The following MYO1H variants were observed in gnomAD, a reference collection of about 807,000 sequenced individuals.
The protein encoded by MYO1H is unconventional myosin-Ih.
Under a neutral mutation model 149.3 loss-of-function variants are expected in MYO1H, and 118 were observed. That is an observed-to-expected ratio of 0.79 (90% CI 0.68 to 0.92). MYO1H has a LOEUF of 0.92. MYO1H is among the 40% of genes least tolerant of loss of function. The probability of loss-of-function intolerance (pLI) is 0.00; values close to 1 mark genes in which losing one functional copy is unlikely to be tolerated. For missense variants in MYO1H, 1,212 were observed against 1,280.7 expected (o/e 0.95, Z 0.82); for synonymous variants, 447 against 465.2 (o/e 0.96, Z 0.50).
chr12:109,366,289 C>T (rs1380475316), intron 1 of MYO1H, among the ~76,000 whole-genome samples: 1 of 152,184 alleles, frequency 6.6e-6, no homozygotes, highest in Non-Finnish European at 1.5e-5. Context: ...CCATTAACTT[C>T]AATCTAAGTC....
intron 22 of MYO1H, 139 bp from the exon 23 acceptor site, chr12:109,438,397 G>T (rs772503112): frequency 4.3e-6 from 3 of 690,584 alleles, no homozygotes; most frequent in Non-Finnish European, 7.7e-6. Context: ...ACATTCATCC[G>T]ACCTTCCATC....
At chr12:109,395,548 A>T (rs1244817967) in intron 3 of MYO1H, among the ~76,000 whole-genome samples, 1 of 152,086 alleles carries the variant, frequency 6.6e-6, no homozygotes, top group African/African-American at 2.4e-5. Flanking sequence ...AGCCTGATCA[A>T]CATGGTGAAA....
At position 109,377,334 on chromosome 12, in the gene MYO1H, CAT is replaced by C. The variant is rs560834200; in HGVS notation, c.13-11348_13-11347del. ...ATAGTGGAAGATAAAGGGAAACTAACATGTGCAGAGATCACATGGTGAGTGAG... is the reference window on the plus strand; with the variant it reads ...ATAGTGGAAGATAAAGGGAAACTAACGTGCAGAGATCACATGGTGAGTGAG... On this transcript the variant is annotated intron_variant, in intron 1 of 31. Transcript: ENST00000310903. 5.9e-3 allele frequency among the ~76,000 whole-genome samples: 905 copies of C among 152,310 alleles called. 6 individuals carry two copies. Among genetic ancestry groups the C allele is most frequent in the African/African-American group, 0.02 (823 of 41,560 alleles).
chr12:109,421,727 G>A (rs1006863096), intron 16 of MYO1H, among the ~76,000 whole-genome samples: 9 of 152,142 alleles, frequency 5.9e-5, no homozygotes, highest in African/African-American at 1.9e-4. Context: ...ACATCATGAG[G>A]TGGGGGCTGG....
In MYO1H at chr12:109,407,693, G is replaced by C. The variant is rs1592799299; in HGVS notation, c.1036-101G>C. ...AGGCTGGGCAGCAGAGCGAGACCCT[G>C]TCTCATTATTTTATTTTTTTTTTAA... is the stretch of plus-strand genomic sequence containing the variant. On this transcript the variant is annotated intron_variant, in intron 9 of 31. Coordinates refer to ENST00000310903, the Ensembl canonical transcript of MYO1H. 4.6e-6 allele frequency: 6 copies of C among 1,312,380 alleles called. No homozygotes were observed. The East Asian group carries it at 1.5e-4, about 33-fold the overall frequency. The allele number at this position is 1,312,380 out of a possible 1,614,324, so 81.3% of individuals were successfully genotyped here.
At chr12:109,413,824 C>T (rs1272942464) in intron 14 of MYO1H, among the ~76,000 whole-genome samples, 2 of 152,014 alleles carry the variant, frequency 1.3e-5, no homozygotes, top group Non-Finnish European at 2.9e-5. Flanking sequence ...GCAGGAGAAT[C>T]GCTTGAACCT....
intron 31 of MYO1H, chr12:109,446,311 TC>T: frequency 1.0e-6 from 1 of 969,880 alleles, no homozygotes; most frequent in Non-Finnish European, 1.2e-6. Context: ...CTTGTTTTGA[TC>T]CAGTTTTGCT....
chr12:109,381,135 G>GAA (rs1869196792), intron 1 of MYO1H, among the ~76,000 whole-genome samples: 1 of 152,168 alleles, frequency 6.6e-6, no homozygotes, highest in Non-Finnish European at 1.5e-5. Flanking sequence ...CCCACTCAAA[G>GAA]AAACCAGAGT....
chr12:109,314,941 A>G, the MYO1H span, among the ~76,000 whole-genome samples: 2 of 152,102 alleles, frequency 1.3e-5, no homozygotes, highest in Non-Finnish European at 2.9e-5. Context: ...CTCTACAAAA[A>G]AAATACAAAA....
chr12:109,410,882 C>A, intron 13 of MYO1H, 114 bp downstream of exon 13: 1 of 700,170 alleles, frequency 1.4e-6, no homozygotes. Context: ...TGGCTCACGC[C>A]TGTAATTCCA....
chr12:109,433,044 C>T (rs1871709318), intron 20 of MYO1H, 34 bp downstream of exon 20: 1 of 1,523,630 alleles, frequency 6.6e-7, no homozygotes, highest in East Asian at 2.3e-5. Context: ...ATGGTCTCTT[C>T]CCTTGACATC....
intron 16 of MYO1H, among the ~76,000 whole-genome samples, chr12:109,424,505 C>G (rs1183516523): frequency 6.6e-6 from 1 of 152,164 alleles, no homozygotes; most frequent in Non-Finnish European, 1.5e-5. Context: ...CTGCACTGAA[C>G]CAGGGACAAT....
intron 31 of MYO1H, among the ~76,000 whole-genome samples, chr12:109,446,718 C>T (rs1280241758): frequency 6.6e-6 from 1 of 152,246 alleles, no homozygotes; most frequent in Non-Finnish European, 1.5e-5. Context: ...GAGCTGAGAT[C>T]GCACCACTAC....
chr12:109,427,540 C>T (rs372392333), exon 19 of MYO1H: 8 of 1,612,872 alleles, frequency 5.0e-6, no homozygotes, highest in African/African-American at 4.0e-5. Context: ...GCGGGTGAGA[C>T]GGGCTGGTTT....
the MYO1H span, among the ~76,000 whole-genome samples, chr12:109,337,608 A>G: frequency 6.6e-6 from 1 of 152,166 alleles, no homozygotes; most frequent in African/African-American, 2.4e-5. Flanking sequence ...CTTATTCACT[A>G]TCACAAGAAC....
intron 24 of MYO1H, 50 bp downstream of exon 24, chr12:109,439,840 C>A (rs114837433): frequency 6.6e-7 from 1 of 1,524,510 alleles, no homozygotes; most frequent in East Asian, 2.3e-5. Context: ...CGGGCACTGA[C>A]GAAGCTTAAC....
At chr12:109,393,415 G>T in exon 3 of MYO1H, 1 of 1,586,506 alleles carries the variant, frequency 6.3e-7, no homozygotes, top group South Asian at 1.2e-5. Flanking sequence ...ACTTTATCAA[G>T]GGGTCAATTT....
intron 24 of MYO1H, among the ~76,000 whole-genome samples, chr12:109,440,180 C>T (rs1372258482): frequency 9.9e-5 from 15 of 151,968 alleles, no homozygotes; most frequent in South Asian, 2.1e-4. Context: ...AGATTACAGG[C>T]GCCCGCCACC....
chr12:109,347,755 C>G (rs1868365587), upstream of MYO1H: 1 of 390,332 alleles, frequency 2.6e-6, no homozygotes. Context: ...CCTGGAGCAG[C>G]CCGGTGTGCC....
Sources: gnomAD v4.1 joint callset for allele counts (sites outside exome capture counted in the v4.1 genomes callset) on GRCh38, gnomAD v4.1.1 for gene constraint, MANE v1.5 for transcripts, NCBI Gene and HGNC (gene_info 2026-07-23, HGNC 2026-07-21) for gene names.